The following MTR variants were observed in gnomAD, a reference collection of about 807,000 sequenced individuals.
MTR encodes methionine synthase.
A neutral mutation model predicts 154.8 loss-of-function variants in MTR; 84 were observed. That is an observed-to-expected ratio of 0.54 (90% confidence interval 0.45 to 0.65). MTR has a LOEUF of 0.65. Ranked by LOEUF, MTR falls within the 30% of genes least tolerant of loss-of-function variation. The pLI, the probability that MTR is intolerant of heterozygous loss-of-function variation, is 0.00. For missense variants in MTR, 1,275 were observed against 1,570.2 expected, an observed-to-expected ratio of 0.81 and a Z score of 3.18; for synonymous variants, 554 against 553.9, an observed-to-expected ratio of 1.00 and a Z score of 0.00.
At chr1:236,822,249 A>G (rs1161196686) in intron 8 of MTR, among the ~76,000 whole-genome samples, 4 of 148,416 alleles carry the variant, frequency 2.7e-5, no homozygotes, top group Admixed American at 6.7e-5. Flanking sequence ...AGTTTTTTTC[A>G]TATAGATCCA....
intron 15 of MTR, among the ~76,000 whole-genome samples, chr1:236,847,117 C>A (rs1042833037): frequency 2.6e-5 from 4 of 152,062 alleles, no homozygotes; most frequent in Non-Finnish European, 5.9e-5. Context: ...GAACTCCTGA[C>A]CTCAGGTGAT....
Position 236,828,178 on chromosome 1 carries a change from C to T in MTR, c.996-1011C>T, listed in dbSNP as rs151032196. On this transcript the variant is annotated intron_variant, in intron 11 of 32. Transcript: ENST00000366577. ...ATTTTTAGTAGAGACGGGGTTTCACCTCGTTAGCCAGGATGGTCTTGGTCT... is the reference window on the plus strand; with the variant it reads ...ATTTTTAGTAGAGACGGGGTTTCACTTCGTTAGCCAGGATGGTCTTGGTCT... 4.5e-3 allele frequency among the ~76,000 whole-genome samples: 682 copies of T among 152,232 alleles called. 4 individuals are homozygous for T. The highest frequency in any genetic ancestry group is 0.014 in the African/African-American group (580 of 41,554).
chr1:236,823,160 C>A (rs1662068146), intron 8 of MTR, among the ~76,000 whole-genome samples: 1 of 152,154 alleles, frequency 6.6e-6, no homozygotes, highest in African/African-American at 2.4e-5. Flanking sequence ...TAATGCATGA[C>A]TATGGTACTT....
intron 24 of MTR, among the ~76,000 whole-genome samples, chr1:236,878,093 T>C (rs1297041243): frequency 6.6e-6 from 1 of 150,864 alleles, no homozygotes; most frequent in Non-Finnish European, 1.5e-5. Context: ...TTATCAGAAA[T>C]ACATATATTG....
In MTR at chr1:236,852,982, A is replaced by G. The variant is rs762999544; in HGVS notation, c.1847A>G (p.Asn616Ser). 13 of 1,612,892 alleles carry G rather than the reference A, an allele frequency of 8.1e-6. No homozygotes were observed. Among genetic ancestry groups the G allele is most frequent in the Non-Finnish European group, 1.1e-5 (13 of 1,179,752 alleles). Residue 616 changes from asparagine to serine, a missense_variant, in exon 18 of 33, where the codon AAC becomes AGC. Transcript: ENST00000366577. ...GACATGGGGATAGTGAATGCTGGAA[A>G]CCTCCCTGTGTATGATGATATCCAT... ...GMDMGIVNAG[N>S]LPVYDDIHKE...
chr1:236,803,521 G>T lies in MTR; in HGVS notation c.128G>T (p.Arg43Leu), dbSNP rs143088011. ...LDGGMGTMIQREKLNEEHFRG... is the reference protein window; with the variant it reads ...LDGGMGTMIQLEKLNEEHFRG... ...GGAGGGATGGGGACCATGATCCAGC[G>T]GGAGAAGCTAAACGAAGAACACTTC... is the stretch of plus-strand genomic sequence containing the variant. Residue 43 changes from arginine (R) to leucine (L), a missense_variant, in exon 2 of 33, where the codon CGG (arginine) becomes CTG (leucine). Physicochemically the swap from Arg to Leu is moderately radical, Grantham distance 102. Transcript: ENST00000366577. 127 of 1,613,996 alleles carry T rather than the reference G, an allele frequency of 7.9e-5. No individual in the cohort carries two copies. The Middle Eastern group carries it at 2.0e-3, about 25-fold the overall frequency.
intron 22 of MTR, among the ~76,000 whole-genome samples, chr1:236,868,810 A>T (rs1664961138): frequency 6.6e-6 from 1 of 152,232 alleles, no homozygotes; most frequent in African/African-American, 2.4e-5. Context: ...ATAATGTTGG[A>T]ACGTTCAGCT....
intron 20 of MTR, 44 bp downstream of exon 20, chr1:236,861,321 T>G (rs181648955): frequency 1.2e-6 from 2 of 1,613,264 alleles, no homozygotes; most frequent in Non-Finnish European, 1.7e-6. Flanking sequence ...GCATCTTTTC[T>G]TTGTCATTTA....
chr1:236,875,139 T>C (rs915032443), intron 24 of MTR, among the ~76,000 whole-genome samples: 2 of 152,262 alleles, frequency 1.3e-5, no homozygotes, highest in African/African-American at 4.8e-5. Context: ...CTGAGAATTA[T>C]AATGAACTCT....
At chr1:236,824,271 T>G (rs751691006) in intron 9 of MTR, 52 bp downstream of exon 9, 3 of 1,364,330 alleles carry the variant, frequency 2.2e-6, no homozygotes, top group Non-Finnish European at 3.2e-6. Flanking sequence ...ACATAAGACA[T>G]GGCATAGATG....
At chr1:236,849,068 A>T (rs1396254602) in intron 15 of MTR, among the ~76,000 whole-genome samples, 1 of 152,230 alleles carries the variant, frequency 6.6e-6, no homozygotes, top group Non-Finnish European at 1.5e-5. Flanking sequence ...CTGGAGTGAT[A>T]GCAAGTAATC....
At chr1:236,875,257 G>A (rs1413561572) in intron 24 of MTR, among the ~76,000 whole-genome samples, 4 of 152,144 alleles carry the variant, frequency 2.6e-5, no homozygotes, top group African/African-American at 9.7e-5. Context: ...AATGATTACA[G>A]GTTCCTTTGA....
chr1:236,880,669 A>G, intron 24 of MTR, 86 bp from the exon 25 acceptor site: 1 of 1,085,912 alleles, frequency 9.2e-7, no homozygotes, highest in Non-Finnish European at 1.4e-6. Flanking sequence ...CTGTAGAAAT[A>G]CATTATCTCT....
intron 23 of MTR, 84 bp from the exon 24 acceptor site, chr1:236,874,642 A>G (rs917545622): frequency 1.7e-6 from 2 of 1,203,394 alleles, no homozygotes; most frequent in African/African-American, 3.1e-5. Flanking sequence ...AAAGTTTTTT[A>G]AATGGATCTT....
Position 236,895,512 on chromosome 1 carries a change from T to C in MTR, c.3560T>C (p.Leu1187Pro). 20 of 1,591,972 alleles carry C rather than the reference T, an allele frequency of 1.3e-5. No individual in the cohort carries two copies. The highest frequency in any genetic ancestry group is 1.7e-5 in the Non-Finnish European group (20 of 1,168,396). The part of the protein sequence containing the change: ...YPSQPDHTEK[L>P]TMWRLADIEQ... ...AGCCAGCCCGACCACACCGAGAAGC[T>C]CACCATGTGGAGACTCGCAGACATC... Residue 1187 changes from leucine to proline, a missense_variant, in exon 31 of 33, where the codon CTC (leucine) becomes CCC (proline). Physicochemically the swap from Leu to Pro is moderately conservative, Grantham distance 98 (BLOSUM62 -3). Transcript: ENST00000366577.
chr1:236,806,946 T>C (rs1220929283), intron 3 of MTR, among the ~76,000 whole-genome samples: 2 of 152,238 alleles, frequency 1.3e-5, no homozygotes, highest in South Asian at 2.1e-4. Flanking sequence ...TTGAATAATA[T>C]ACCATTGTGT....
Position 236,816,551 on chromosome 1 carries a change from A to T in MTR, c.764+8A>T. 3 of 1,610,786 alleles carry T rather than the reference A, an allele frequency of 1.9e-6. No homozygotes were observed. The highest frequency in any genetic ancestry group is 2.5e-6 in the Non-Finnish European group (3 of 1,176,926). On this transcript the variant is annotated splice_region_variant and intron_variant, in intron 8 of 32. Coordinates refer to ENST00000366577, the MANE Select transcript of MTR (RefSeq NM_000254.3). Reference sequence around the variant, plus strand: ...TCATGGAGAACCACTCTGGTGAGTGATCCATCTTTCTGTAACTTCTTTTCT... The same window carrying T: ...TCATGGAGAACCACTCTGGTGAGTGTTCCATCTTTCTGTAACTTCTTTTCT...
Position 236,795,709 on chromosome 1 carries a change from A to G in MTR, c.6A>G (p.Ser2=). 2 of 1,614,102 alleles carry G rather than the reference A, an allele frequency of 1.2e-6. No homozygotes were observed. The highest frequency in any genetic ancestry group is 2.7e-5 in the African/African-American group (2 of 75,064). Residue 2 remains serine (S), a synonymous_variant, in exon 1 of 33, where the codon TCA becomes TCG. Transcript: ENST00000366577. ...CAAGGAGGAGACTCGACAACATGTCACCCGCGCTCCAAGACCTGTCGCAAC... is the reference window on the plus strand; with the variant it reads ...CAAGGAGGAGACTCGACAACATGTCGCCCGCGCTCCAAGACCTGTCGCAAC... M[S]PALQDLSQPE... is the part of the protein sequence containing the mutation.
At position 236,900,699 on chromosome 1, in the gene MTR, T is replaced by G. The variant is rs192340519; in HGVS notation, c.*3055T>G. 6.6e-6 allele frequency: 1 copy of G among 152,334 alleles called. No homozygotes were observed. Among genetic ancestry groups the G allele is most frequent in the Admixed American group, 6.5e-5 (1 of 15,300 alleles). 9.4% of individuals were successfully genotyped at this position (152,334 alleles called of 1,614,324 possible). ...TGGTATGGTGATTTTGTAGGTAATGTTTGTATATGTCAAATACAGTTTTTA... is the reference window on the plus strand; with the variant it reads ...TGGTATGGTGATTTTGTAGGTAATGGTTGTATATGTCAAATACAGTTTTTA... On this transcript the variant is annotated 3_prime_UTR_variant, in exon 33 of 33. Transcript: ENST00000366577.
Sources: allele counts gnomAD v4.1 joint callset (sites outside exome capture counted in the v4.1 genomes callset), GRCh38; gene constraint gnomAD v4.1.1; transcripts MANE v1.5; gene names NCBI Gene and HGNC (gene_info 2026-07-23, HGNC 2026-07-21).